DIRAS2: variants seen among roughly 807,000 people sequenced by gnomAD.
The protein encoded by DIRAS2 is DIRAS family GTPase 2.
Under a neutral mutation model 13.9 loss-of-function variants are expected in DIRAS2, and 5 were observed. The observed-to-expected ratio is 0.36, with a 90% confidence interval of 0.19 to 0.76. The LOEUF (loss-of-function observed/expected upper bound fraction) is 0.76, where lower values mean the gene tolerates loss of function less well. Ranked by LOEUF, DIRAS2 falls within the 30% of genes least tolerant of loss-of-function variation. DIRAS2 has a pLI of 0.53. For missense variants in DIRAS2, 191 were observed against 263.0 expected (o/e 0.73, Z 1.89); for synonymous variants, 111 against 105.4 (o/e 1.05, Z -0.33).
At chr9:90,640,540 T>C (rs768911625) in intron 1 of DIRAS2, among the ~76,000 whole-genome samples, 33 of 152,364 alleles carry the variant, frequency 2.2e-4, no homozygotes, top group South Asian at 6.2e-4. Context: ...TATTCCCTTT[T>C]GATTGAGCAG....
At chr9:90,638,220 T>A (rs1825387673) in intron 1 of DIRAS2, among the ~76,000 whole-genome samples, 1 of 152,252 alleles carries the variant, frequency 6.6e-6, no homozygotes, top group Admixed American at 6.5e-5. Flanking sequence ...CTATTATGTA[T>A]GTGGAGGAAT....
At chr9:90,615,518 A>C (rs951186286) in intron 1 of DIRAS2, among the ~76,000 whole-genome samples, 1 of 152,224 alleles carries the variant, frequency 6.6e-6, no homozygotes, top group African/African-American at 2.4e-5. Flanking sequence ...CATTGTGATA[A>C]ATTTTTCCAC....
intron 1 of DIRAS2, among the ~76,000 whole-genome samples, chr9:90,634,686 G>C (rs970243986): frequency 6.6e-6 from 1 of 152,316 alleles, no homozygotes; most frequent in East Asian, 1.9e-4. Flanking sequence ...ATAAAAAATA[G>C]AGTCCCAGTT....
chr9:90,619,063 T>TG (rs1825195186), intron 1 of DIRAS2, among the ~76,000 whole-genome samples: 1 of 151,366 alleles, frequency 6.6e-6, no homozygotes, highest in Non-Finnish European at 1.5e-5. Context: ...TGCTTGAACC[T>TG]GGGGGGCAGA....
intron 1 of DIRAS2, among the ~76,000 whole-genome samples, chr9:90,631,710 A>T (rs1825326845): frequency 6.6e-6 from 1 of 152,122 alleles, no homozygotes; most frequent in Non-Finnish European, 1.5e-5. Flanking sequence ...CATATCATTC[A>T]TATACCTGCA....
chr9:90,613,797 C>T lies in DIRAS2; in HGVS notation c.31G>A (p.Ala11Thr). The T allele has an allele frequency of 3.7e-6, 6 of 1,613,730 alleles. No homozygotes were observed. Among genetic ancestry groups the T allele is most frequent in the Non-Finnish European group, 5.1e-6 (6 of 1,179,756 alleles). The change falls in exon 2 of 2, where the codon GCC becomes ACC. Residue 11 changes from alanine to threonine, a missense_variant. Physicochemically the swap from Ala to Thr is moderately conservative, Grantham distance 58. Transcript: ENST00000375765. The surrounding 1 kb of genome is among the most constrained non-coding windows in gnomAD (Gnocchi z 5.6). MPEQSNDYRVAVFGAGGVGKS... is the reference protein window; with the variant it reads MPEQSNDYRVTVFGAGGVGKS... ...CCAACACCGCCAGCCCCAAACACGG[C>T]CACCCGGTAATCGTTACTCTGCTCA...
chr9:90,634,858 A>G (rs1039647221), intron 1 of DIRAS2, among the ~76,000 whole-genome samples: 2 of 152,226 alleles, frequency 1.3e-5, no homozygotes, highest in Admixed American at 6.5e-5. Context: ...CCAAGTTGTA[A>G]AAGAGAGGAA....
At chr9:90,614,306 ATGTGTG>A (rs34548591) in intron 1 of DIRAS2, among the ~76,000 whole-genome samples, 5,283 of 134,832 alleles carry the variant, frequency 0.039, 173 homozygotes, top group African/African-American at 0.089. Context: ...GGTCATCATA[ATGTGTG>A]TGTGTGTGTG....
intron 1 of DIRAS2, among the ~76,000 whole-genome samples, chr9:90,619,177 T>C (rs2118548528): frequency 6.6e-6 from 1 of 152,180 alleles, no homozygotes; most frequent in African/African-American, 2.4e-5. Context: ...CGGTGGCTCA[T>C]GCCAGTAATC....
chr9:90,616,736 C>CAAAA (rs11422558), intron 1 of DIRAS2, among the ~76,000 whole-genome samples: 227 of 86,160 alleles, frequency 2.6e-3, no homozygotes, highest in African/African-American at 3.1e-3. Context: ...GACTCCATCA[C>CAAAA]AAAAAAAAAA....
chr9:90,613,425 C>T lies in DIRAS2; in HGVS notation c.403G>A (p.Glu135Lys), dbSNP rs778547186. 3 of 1,614,102 alleles carry T rather than the reference C, an allele frequency of 1.9e-6. No individual in the cohort carries two copies. The highest frequency in any genetic ancestry group is 2.2e-5 in the East Asian group (1 of 44,858). ...ESPSREVQSS[E>K]AEALARTWKC... ...CATGTGCGGGCCAAGGCCTCCGCCTCGCTGCTCTGCACCTCGCGGCTGGGG... is the reference window on the plus strand; with the variant it reads ...CATGTGCGGGCCAAGGCCTCCGCCTTGCTGCTCTGCACCTCGCGGCTGGGG... The change falls in exon 2 of 2, where the codon GAG becomes AAG. Residue 135 changes from glutamate (E) to lysine (K), a missense_variant. By Grantham distance (56) the Glu-to-Lys change is moderately conservative (BLOSUM62 1). Coordinates refer to ENST00000375765, the MANE Select transcript of DIRAS2 (RefSeq NM_017594.5). The surrounding 1 kb of genome is among the most constrained non-coding windows in gnomAD (Gnocchi z 5.6).
rs1825100852 is a variant in DIRAS2, at chr9:90,610,474, C to CCATGTT, written c.*2753_*2754insAACATG. 2.5e-6 allele frequency: 1 copy of CCATGTT among 398,872 alleles called. No individual in the cohort carries two copies. The highest frequency in any genetic ancestry group is 3.6e-5 in the East Asian group (1 of 28,064). The allele number at this position is 398,872 out of a possible 1,614,324, so 24.7% of individuals were successfully genotyped here. A position where few individuals can be genotyped will look rare whatever the true frequency, so the allele number is the denominator to read the frequency against. On this transcript the variant is annotated 3_prime_UTR_variant, in exon 2 of 2. Transcript: ENST00000375765. Reference sequence around the variant, plus strand: ...GGGATAGAAGGGAAGTCATGGAGCCCCATGCTCATGCCCAGAGCGCCATCT... The same window carrying CCATGTT: ...GGGATAGAAGGGAAGTCATGGAGCCCCATGTTCATGCTCATGCCCAGAGCGCCATCT...
chr9:90,641,497 ATG>A (rs1251082214), intron 1 of DIRAS2, among the ~76,000 whole-genome samples: 3 of 152,176 alleles, frequency 2.0e-5, no homozygotes, highest in South Asian at 4.1e-4. Flanking sequence ...AAAATGAACT[ATG>A]TGTCTTCCTG....
At chr9:90,632,928 C>G (rs1381605912) in intron 1 of DIRAS2, among the ~76,000 whole-genome samples, 1 of 152,206 alleles carries the variant, frequency 6.6e-6, no homozygotes, top group African/African-American at 2.4e-5. Flanking sequence ...ATTTCACTGA[C>G]AGGGCAGTGC....
intron 1 of DIRAS2, among the ~76,000 whole-genome samples, chr9:90,621,284 G>A (rs1194217182): frequency 6.6e-6 from 1 of 152,158 alleles, no homozygotes; most frequent in Admixed American, 6.5e-5. Context: ...GTAATGCAGG[G>A]TTAGAGAGGT....
At chr9:90,637,388 C>A (rs751662131) in intron 1 of DIRAS2, among the ~76,000 whole-genome samples, 4 of 152,094 alleles carry the variant, frequency 2.6e-5, no homozygotes, top group Non-Finnish European at 5.9e-5. Flanking sequence ...TGTTTCTGAG[C>A]CTATCTGTAG....
At chr9:90,642,267 A>G (rs1391348803) in intron 1 of DIRAS2, among the ~76,000 whole-genome samples, 4 of 152,214 alleles carry the variant, frequency 2.6e-5, no homozygotes, top group Non-Finnish European at 5.9e-5. Flanking sequence ...CATGAAACAC[A>G]TTCTTTAAGA....
At chr9:90,637,582 C>G (rs1199220857) in intron 1 of DIRAS2, among the ~76,000 whole-genome samples, 2 of 152,204 alleles carry the variant, frequency 1.3e-5, no homozygotes, top group Admixed American at 6.5e-5. Context: ...TTGATCCCTT[C>G]CATTGAAACA....
intron 1 of DIRAS2, among the ~76,000 whole-genome samples, chr9:90,641,906 C>CTG (rs1267586838): frequency 6.6e-6 from 1 of 152,216 alleles, no homozygotes; most frequent in African/African-American, 2.4e-5. Flanking sequence ...GGAAGGCAAG[C>CTG]TGTGTCTCTG....
Sources: allele counts gnomAD v4.1 joint callset (sites outside exome capture counted in the v4.1 genomes callset), GRCh38; gene constraint gnomAD v4.1.1; non-coding constraint Gnocchi (gnomAD v3.1); transcripts MANE v1.5; gene names NCBI Gene and HGNC (gene_info 2026-07-23, HGNC 2026-07-21).